Variants in TBC1D2 observed in about 807,000 individuals in gnomAD.
TBC1D2 encodes TBC1 domain family member 2A.
TBC1D2 carries 58 observed loss-of-function variants against 91.1 expected under a neutral mutation model. That is an observed-to-expected ratio of 0.64 (90% CI 0.52 to 0.79). TBC1D2 has a LOEUF of 0.79. Ranked by LOEUF, TBC1D2 falls within the 30% of genes least tolerant of loss-of-function variation. The probability of loss-of-function intolerance (pLI) is 0.00; values close to 1 mark genes in which losing one functional copy is unlikely to be tolerated. For missense variants in TBC1D2, 1,080 were observed against 1,208.3 expected (o/e 0.89, Z 1.57); for synonymous variants, 482 against 511.5 (o/e 0.94, Z 0.78).
At chr9:98,206,588 T>C (rs1272429007) in intron 9 of TBC1D2, among the ~76,000 whole-genome samples, 1 of 152,106 alleles carries the variant, frequency 6.6e-6, no homozygotes, top group East Asian at 1.9e-4. Flanking sequence ...AGGGGAAAGG[T>C]TTCTGGGAGG....
chr9:98,204,223 G>C (rs1828589095), intron 9 of TBC1D2, among the ~76,000 whole-genome samples: 1 of 152,148 alleles, frequency 6.6e-6, no homozygotes, highest in African/African-American at 2.4e-5. Flanking sequence ...GGGACTACTG[G>C]TCTCCCAAGA....
chr9:98,247,161 T>C (rs1410901024), intron 2 of TBC1D2, among the ~76,000 whole-genome samples: 3 of 151,394 alleles, frequency 2.0e-5, no homozygotes, highest in Non-Finnish European at 4.4e-5. Flanking sequence ...AACCCATCTC[T>C]ACTAAAAATA....
At chr9:98,246,769 C>T (rs4743194) in intron 2 of TBC1D2, among the ~76,000 whole-genome samples, 63,039 of 151,746 alleles carry the variant, frequency 0.42, 15,856 homozygotes, top group African/African-American at 0.72. Flanking sequence ...GAAAGATCTT[C>T]CTATGCCAAG....
At chr9:98,245,514 C>A (rs142655079) in intron 2 of TBC1D2, among the ~76,000 whole-genome samples, 1 of 151,892 alleles carries the variant, frequency 6.6e-6, no homozygotes, top group Non-Finnish European at 1.5e-5. Context: ...TTGCAGTGAG[C>A]GGAGATGGTG....
intron 1 of TBC1D2, among the ~76,000 whole-genome samples, chr9:98,252,943 T>C (rs1213462249): frequency 6.6e-6 from 1 of 152,130 alleles, no homozygotes; most frequent in African/African-American, 2.4e-5. Context: ...CCTCAGGCTG[T>C]CACACAGGTA....
At chr9:98,202,897 T>A (rs1208414246) in intron 10 of TBC1D2, among the ~76,000 whole-genome samples, 1 of 152,280 alleles carries the variant, frequency 6.6e-6, no homozygotes, top group East Asian at 1.9e-4. Context: ...AAGTAGAAAT[T>A]GCTGGGTCAG....
intron 12 of TBC1D2, 112 bp downstream of exon 12, chr9:98,200,141 G>T: frequency 1.4e-6 from 2 of 1,434,104 alleles, no homozygotes; most frequent in South Asian, 2.5e-5. Context: ...GCTATAATAC[G>T]AGCATCAGCG....
Position 98,221,223 on chromosome 9 carries a change from T to G in TBC1D2, c.984A>C (p.Leu328=). 2 of 1,539,636 alleles carry G rather than the reference T, an allele frequency of 1.3e-6. No homozygotes were observed. The highest frequency in any genetic ancestry group is 1.8e-6 in the Non-Finnish European group (2 of 1,138,568). The change falls in exon 6 of 13, where the codon CTA becomes CTC. Residue 328 remains leucine (L), a synonymous_variant. Transcript: ENST00000465784. ...CCAGTGCCTTGTGCAGGATCTTCAC[T>G]AGCTCCTGGGCAGGGAGAGGGAAGA... ...LTKELKSQKE[L]VKILHKALEA...
chr9:98,247,065 T>G (rs1254213256), intron 2 of TBC1D2, among the ~76,000 whole-genome samples: 2 of 150,824 alleles, frequency 1.3e-5, no homozygotes, highest in African/African-American at 4.9e-5. Flanking sequence ...CAGTGGCTCA[T>G]GCCTGTAATC....
At chr9:98,237,353 A>G (rs1156591227) in intron 3 of TBC1D2, among the ~76,000 whole-genome samples, 1 of 151,962 alleles carries the variant, frequency 6.6e-6, no homozygotes, top group Non-Finnish European at 1.5e-5. Context: ...TCAAAAAAAA[A>G]AAAAGAAAAA....
At chr9:98,237,265 T>C (rs1410534095) in intron 3 of TBC1D2, among the ~76,000 whole-genome samples, 1 of 150,832 alleles carries the variant, frequency 6.6e-6, no homozygotes, top group East Asian at 2.0e-4. Flanking sequence ...GAATGTCACT[T>C]GAACTGGGAA....
intron 4 of TBC1D2, among the ~76,000 whole-genome samples, chr9:98,232,637 T>C (rs1829400097): frequency 6.6e-6 from 1 of 151,814 alleles, no homozygotes; most frequent in Non-Finnish European, 1.5e-5. Flanking sequence ...TTTTTTACTC[T>C]GAAAAAATTA....
At chr9:98,204,764 T>C (rs921306342) in intron 9 of TBC1D2, among the ~76,000 whole-genome samples, 7 of 152,220 alleles carry the variant, frequency 4.6e-5, no homozygotes, top group African/African-American at 1.7e-4. Context: ...GTCACAGGTC[T>C]CCTGGGAAAT....
Position 98,203,286 on chromosome 9 carries a change from ACCTGGGATGCCGT to A in TBC1D2, c.2260_2271+1del. 6.2e-7 allele frequency: 1 copy of A among 1,614,152 alleles called. No homozygotes were observed. The highest frequency in any genetic ancestry group is 8.5e-7 in the Non-Finnish European group (1 of 1,180,018). ...GCAAAGTCCCCTCCTGGCCCCACTT[ACCTGGGATGCCGT>A]CAGCGTGTTGCAGTAGTAATCAGCG... is the stretch of plus-strand genomic sequence containing the variant. On this transcript the variant is annotated splice_donor_variant and coding_sequence_variant, in exon 10 of 13. Coordinates refer to ENST00000465784, the MANE Select transcript of TBC1D2 (RefSeq NM_001267571.2). LOFTEE classifies it high-confidence loss of function.
chr9:98,245,063 A>T (rs1206890200), intron 2 of TBC1D2, among the ~76,000 whole-genome samples: 1 of 151,854 alleles, frequency 6.6e-6, no homozygotes, highest in African/African-American at 2.4e-5. Context: ...ACACGGTGAA[A>T]CCCCATCTCT....
At chr9:98,234,610 G>A (rs1829456431) in intron 3 of TBC1D2, 2 of 152,360 alleles carry the variant, frequency 1.3e-5, no homozygotes, top group Non-Finnish European at 1.5e-5. Flanking sequence ...GGAATCCTGA[G>A]GAGCTGTTGG....
At chr9:98,242,903 C>A (rs1292100417) in intron 3 of TBC1D2, among the ~76,000 whole-genome samples, 1 of 139,638 alleles carries the variant, frequency 7.2e-6, no homozygotes, top group African/African-American at 2.7e-5. Flanking sequence ...GCCTTGACTT[C>A]CTGGGCTTGG....
At chr9:98,234,485 G>T (rs1434518445) in intron 3 of TBC1D2, among the ~76,000 whole-genome samples, 4 of 152,218 alleles carry the variant, frequency 2.6e-5, no homozygotes, top group African/African-American at 9.6e-5. Context: ...CGAACTGAAA[G>T]TTCCCACTCA....
chr9:98,220,806 T>C, intron 6 of TBC1D2, 27 bp downstream of exon 6: 2 of 1,607,422 alleles, frequency 1.2e-6, no homozygotes, highest in Non-Finnish European at 1.7e-6. Flanking sequence ...CCGGCAGGAC[T>C]GGCAGGCCCT....
Sources: gnomAD v4.1 joint callset for allele counts (sites outside exome capture counted in the v4.1 genomes callset) on GRCh38, gnomAD v4.1.1 for gene constraint, MANE v1.5 for transcripts, NCBI Gene and HGNC (gene_info 2026-07-23, HGNC 2026-07-21) for gene names.